AIG1: variants seen among roughly 807,000 people sequenced by gnomAD.
The protein encoded by AIG1 is androgen-induced gene 1 protein.
A neutral mutation model predicts 31.4 loss-of-function variants in AIG1; 23 were observed. The ratio of observed to expected loss-of-function variants is 0.73; its 90% CI spans 0.53 to 1.04. AIG1 has a LOEUF of 1.04. Ranked by LOEUF, AIG1 falls within the 50% of genes least tolerant of loss-of-function variation. The pLI is 0.00. For missense variants in AIG1, 274 were observed against 295.0 expected (o/e 0.93, Z 0.52); for synonymous variants, 100 against 110.5 (o/e 0.90, Z 0.60).
chr6:143,189,833 A>T (rs1400211443), intron 3 of AIG1: 1 of 969,990 alleles, frequency 1.0e-6, no homozygotes, highest in East Asian at 1.1e-4. Context: ...ATCTTAGTCC[A>T]TTCAGGCTAC....
intron 1 of AIG1, among the ~76,000 whole-genome samples, chr6:143,077,981 G>A (rs1777885131): frequency 6.6e-6 from 1 of 152,068 alleles, no homozygotes; most frequent in African/African-American, 2.4e-5. Flanking sequence ...TGCTCTTCCA[G>A]GACTCCATTG....
intron 1 of AIG1, among the ~76,000 whole-genome samples, chr6:143,130,534 C>T (rs978405767): frequency 1.3e-4 from 20 of 151,804 alleles, no homozygotes; most frequent in Middle Eastern, 3.2e-3. Flanking sequence ...GTCTGGTCAA[C>T]GTGGTGAGAC....
intron 3 of AIG1, among the ~76,000 whole-genome samples, chr6:143,167,410 T>C (rs1353643118): frequency 1.3e-5 from 2 of 152,216 alleles, no homozygotes; most frequent in African/African-American, 4.8e-5. Flanking sequence ...TGATGTCAGT[T>C]ACCTTGTTCT....
At chr6:143,266,205 A>G (rs559877910) in intron 3 of AIG1, among the ~76,000 whole-genome samples, 2 of 150,724 alleles carry the variant, frequency 1.3e-5, no homozygotes, top group Non-Finnish European at 2.9e-5. Flanking sequence ...AAATTAGCCG[A>G]GCATGGTGGC....
In AIG1 at chr6:143,167,435, CT is replaced by C. The variant is rs1043099068; in HGVS notation, c.399+2255del. On this transcript the variant is annotated intron_variant, in intron 3 of 5. Coordinates refer to ENST00000357847, the MANE Select transcript of AIG1 (RefSeq NM_016108.4). ...TACCTTGTTCTGACATTACGAGAGA[CT>C]TTGCTGACAACAAATAATTGCATCA... is the stretch of plus-strand genomic sequence containing the variant. Among the ~76,000 whole-genome samples the C allele has an allele frequency of 3.7e-4, 56 of 152,188 alleles. 1 individual carries two copies. The highest frequency in any genetic ancestry group is 3.6e-3 in the Admixed American group (55 of 15,264).
At chr6:143,274,638 A>G (rs558886832) in intron 3 of AIG1, among the ~76,000 whole-genome samples, 3 of 152,040 alleles carry the variant, frequency 2.0e-5, no homozygotes, top group Non-Finnish European at 4.4e-5. Flanking sequence ...GGAGGCAAGG[A>G]TGACTGGTGT....
intron 4 of AIG1, among the ~76,000 whole-genome samples, chr6:143,312,216 A>T (rs1034606583): frequency 6.6e-6 from 1 of 152,156 alleles, no homozygotes. Context: ...GCAATGCTAA[A>T]ATTTATGTGA....
intron 3 of AIG1, among the ~76,000 whole-genome samples, chr6:143,171,238 T>C (rs1304643847): frequency 6.6e-6 from 1 of 151,030 alleles, no homozygotes; most frequent in East Asian, 1.9e-4. Flanking sequence ...ATCATTCTTA[T>C]GCCTTTGCAT....
At chr6:143,222,112 A>G (rs1017040661) in intron 3 of AIG1, among the ~76,000 whole-genome samples, 2 of 152,138 alleles carry the variant, frequency 1.3e-5, no homozygotes, top group Non-Finnish European at 2.9e-5. Flanking sequence ...CCCTTACCTC[A>G]TGTGAACCTT....
At chr6:143,240,479 A>G (rs1418254142) in intron 3 of AIG1, among the ~76,000 whole-genome samples, 1 of 152,224 alleles carries the variant, frequency 6.6e-6, no homozygotes, top group African/African-American at 2.4e-5. Context: ...CTCAATTTCT[A>G]CATAAAACAT....
At chr6:143,189,430 T>C (rs1236014628) in intron 3 of AIG1, 1 of 981,578 alleles carries the variant, frequency 1.0e-6, no homozygotes, top group African/African-American at 1.7e-5. Flanking sequence ...GTAAAGTATT[T>C]GCAAAATAGT....
intron 1 of AIG1, among the ~76,000 whole-genome samples, chr6:143,085,280 T>C (rs1778660562): frequency 6.6e-6 from 1 of 152,184 alleles, no homozygotes; most frequent in South Asian, 2.1e-4. Context: ...GCACCCCTAG[T>C]CATTTTCTGA....
At chr6:143,185,458 G>C (rs997845697) in intron 3 of AIG1, among the ~76,000 whole-genome samples, 2 of 152,162 alleles carry the variant, frequency 1.3e-5, no homozygotes, top group African/African-American at 4.8e-5. Flanking sequence ...TGAGCTGAGT[G>C]GTTGCAGAGC....
At chr6:143,319,392 A>T (rs1033072104) in intron 4 of AIG1, among the ~76,000 whole-genome samples, 2 of 152,206 alleles carry the variant, frequency 1.3e-5, no homozygotes, top group Non-Finnish European at 1.5e-5. Context: ...ACCAAACATC[A>T]TATGTTCTCA....
Position 143,060,891 on chromosome 6 carries a change from C to T in AIG1, c.-35C>T, listed in dbSNP as rs374518199. ...CCGGCGCCTCCCTCACGCCCGCCCT[C>T]CTTGCCGCCCAGCCGGTCCAGGCCT... On this transcript the variant is annotated 5_prime_UTR_variant, in exon 1 of 6. Transcript: ENST00000357847. 3.5e-6 allele frequency: 5 copies of T among 1,423,710 alleles called. No individual in the cohort carries two copies. In the African/African-American group the frequency reaches 4.4e-5, roughly 12 times the overall value. The allele number at this position is 1,423,710 out of a possible 1,614,324, so 88.2% of individuals were successfully genotyped here.
chr6:143,149,666 C>T (rs1785027516), intron 2 of AIG1, among the ~76,000 whole-genome samples: 3 of 151,980 alleles, frequency 2.0e-5, no homozygotes, highest in Admixed American at 6.5e-5. Context: ...TGTTGTTTCC[C>T]TTTGATACAC....
Position 143,291,318 on chromosome 6 carries a change from A to G in AIG1, c.515+7093A>G, listed in dbSNP as rs780351725. On this transcript the variant is annotated intron_variant, in intron 4 of 5. Transcript: ENST00000357847. The surrounding 1 kb of genome is among the most constrained non-coding windows in gnomAD (Gnocchi z 4.2). ...CCCAAGAAAGAATGGCTCCTGGGCA[A>G]GAGTTTTCCAGCAGCAGGAAACCAT... is the stretch of plus-strand genomic sequence containing the variant. Among the ~76,000 whole-genome samples the G allele has an allele frequency of 1.9e-4, 29 of 152,158 alleles. No individual in the cohort carries two copies. The highest frequency in any genetic ancestry group is 1.9e-3 in the Admixed American group (29 of 15,276).
chr6:143,167,590 TG>T (rs994411922), intron 3 of AIG1, among the ~76,000 whole-genome samples: 2 of 152,202 alleles, frequency 1.3e-5, no homozygotes, highest in African/African-American at 4.8e-5. Flanking sequence ...TTTAATGTTT[TG>T]AACAAATGGC....
chr6:143,230,760 G>A (rs1793386576), intron 3 of AIG1, among the ~76,000 whole-genome samples: 1 of 152,100 alleles, frequency 6.6e-6, no homozygotes, highest in Non-Finnish European at 1.5e-5. Flanking sequence ...AGCATAAGTT[G>A]TTCTTAGATA....
Sources: allele counts gnomAD v4.1 joint callset (sites outside exome capture counted in the v4.1 genomes callset), GRCh38; gene constraint gnomAD v4.1.1; non-coding constraint Gnocchi (gnomAD v3.1); transcripts MANE v1.5; gene names NCBI Gene and HGNC (gene_info 2026-07-23, HGNC 2026-07-21).